Variants in PDE7B observed in about 807,000 individuals in gnomAD.
PDE7B encodes the protein phosphodiesterase 7B, also known as 3',5'-cyclic-AMP phosphodiesterase 7B.
A neutral mutation model predicts 56.2 loss-of-function variants in PDE7B; 29 were observed. The observed-to-expected ratio is 0.52, with a 90% CI of 0.38 to 0.70. The LOEUF (loss-of-function observed/expected upper bound fraction) is 0.70. Ranked by LOEUF, PDE7B falls within the 30% of genes least tolerant of loss-of-function variation. The pLI, the probability that PDE7B is intolerant of heterozygous loss-of-function variation, is 0.00. For missense variants in PDE7B, 490 were observed against 565.0 expected, an observed-to-expected ratio of 0.87 and a Z score of 1.35; for synonymous variants, 197 against 196.9, an observed-to-expected ratio of 1.00 and a Z score of 0.00.
intron 1 of PDE7B, among the ~76,000 whole-genome samples, chr6:135,932,479 C>A (rs1774311101): frequency 6.6e-6 from 1 of 151,980 alleles, no homozygotes; most frequent in South Asian, 2.1e-4. Flanking sequence ...AAAAAATCAC[C>A]ATTTCAGCTA....
intron 3 of PDE7B, among the ~76,000 whole-genome samples, chr6:136,134,790 C>T (rs1176818145): frequency 2.7e-5 from 4 of 148,722 alleles, no homozygotes; most frequent in Admixed American, 1.3e-4. Flanking sequence ...GCCAAAAATC[C>T]GTGTGTTGCA....
intron 2 of PDE7B, among the ~76,000 whole-genome samples, chr6:136,105,665 T>G (rs1200584391): frequency 6.6e-6 from 1 of 152,184 alleles, no homozygotes; most frequent in Non-Finnish European, 1.5e-5. Context: ...TTTATGCAAT[T>G]TAAATATTAG....
At chr6:136,175,381 G>A (rs778440998) in intron 9 of PDE7B, among the ~76,000 whole-genome samples, 12 of 151,982 alleles carry the variant, frequency 7.9e-5, no homozygotes, top group Non-Finnish European at 1.0e-4. Context: ...ATTCAGGAAA[G>A]TGTTAGTTTG....
chr6:135,991,228 C>T (rs1775474043), intron 2 of PDE7B, among the ~76,000 whole-genome samples: 1 of 152,120 alleles, frequency 6.6e-6, no homozygotes, highest in African/African-American at 2.4e-5. Context: ...CATCCTGTAA[C>T]TAAGAATGCC....
chr6:136,105,169 C>T (rs1365708310), intron 2 of PDE7B, among the ~76,000 whole-genome samples: 2 of 152,176 alleles, frequency 1.3e-5, no homozygotes, highest in African/African-American at 4.8e-5. Context: ...CAGCCCATTT[C>T]CACTGAAATG....
chr6:136,014,247 A>G (rs1775939029), intron 2 of PDE7B, among the ~76,000 whole-genome samples: 2 of 152,368 alleles, frequency 1.3e-5, no homozygotes, highest in African/African-American at 4.8e-5. Flanking sequence ...AAAATCACTC[A>G]CAATACCACT....
chr6:136,058,401 C>T (rs1462420345), intron 2 of PDE7B, among the ~76,000 whole-genome samples: 4 of 152,162 alleles, frequency 2.6e-5, no homozygotes, highest in African/African-American at 9.7e-5. Context: ...ATTCAGAATT[C>T]CCAGCATGCT....
chr6:136,072,123 T>C (rs866294208), intron 2 of PDE7B, among the ~76,000 whole-genome samples: 2 of 152,240 alleles, frequency 1.3e-5, no homozygotes, highest in Admixed American at 1.3e-4. Flanking sequence ...TTATTGAGCA[T>C]TTATTATGTA....
intron 1 of PDE7B, among the ~76,000 whole-genome samples, chr6:135,892,512 C>A (rs1324676504): frequency 6.6e-6 from 1 of 152,086 alleles, no homozygotes; most frequent in South Asian, 2.1e-4. Flanking sequence ...CCTATACTTT[C>A]TAGTGAAGCA....
intron 2 of PDE7B, among the ~76,000 whole-genome samples, chr6:136,005,161 C>G (rs1775756153): frequency 6.6e-6 from 1 of 152,076 alleles, no homozygotes. Flanking sequence ...ATGTAGAAAG[C>G]TGAAACTGGA....
intron 2 of PDE7B, among the ~76,000 whole-genome samples, chr6:135,994,715 C>G (rs894246499): frequency 1.6e-4 from 24 of 152,146 alleles, no homozygotes; most frequent in Non-Finnish European, 7.4e-5. Flanking sequence ...GGATCTAGCA[C>G]AGGTTTGGCA....
intron 1 of PDE7B, among the ~76,000 whole-genome samples, chr6:135,892,505 A>G (rs188794471): frequency 5.1e-4 from 77 of 152,320 alleles, no homozygotes; most frequent in African/African-American, 1.7e-3. Context: ...GATATTTCCT[A>G]TACTTTCTAG....
chr6:135,895,913 C>A (rs773123152), intron 1 of PDE7B, among the ~76,000 whole-genome samples: 1 of 152,146 alleles, frequency 6.6e-6, no homozygotes, highest in Non-Finnish European at 1.5e-5. Flanking sequence ...CCCTAGCTCA[C>A]CCTAGGCTCT....
intron 2 of PDE7B, among the ~76,000 whole-genome samples, chr6:136,012,275 G>A (rs969067777): frequency 1.1e-4 from 17 of 152,096 alleles, no homozygotes; most frequent in Non-Finnish European, 2.2e-4. Context: ...AGGTGTCTCT[G>A]CTGGTTTGCT....
At chr6:136,039,491 C>T (rs1280248870) in intron 2 of PDE7B, among the ~76,000 whole-genome samples, 1 of 152,094 alleles carries the variant, frequency 6.6e-6, no homozygotes, top group African/African-American at 2.4e-5. Context: ...ATTACCTCTC[C>T]CTTTCTCGTG....
chr6:136,126,797 C>T (rs936941053), intron 3 of PDE7B, among the ~76,000 whole-genome samples: 3 of 151,928 alleles, frequency 2.0e-5, no homozygotes, highest in African/African-American at 7.3e-5. Flanking sequence ...TCTGGGGACT[C>T]GGGGAAAGGA....
At chr6:135,883,739 C>T (rs1195690324) in intron 1 of PDE7B, among the ~76,000 whole-genome samples, 1 of 152,170 alleles carries the variant, frequency 6.6e-6, no homozygotes, top group Non-Finnish European at 1.5e-5. Context: ...CCTCATATTT[C>T]CAGGTCACTG....
chr6:135,947,836 G>A (rs1253223119), intron 2 of PDE7B, among the ~76,000 whole-genome samples: 3 of 152,024 alleles, frequency 2.0e-5, no homozygotes, highest in Admixed American at 1.3e-4. Flanking sequence ...GAACCATGTT[G>A]TAATTCCTAA....
chr6:136,075,598 G>A (rs949431670), intron 2 of PDE7B, among the ~76,000 whole-genome samples: 1 of 152,144 alleles, frequency 6.6e-6, no homozygotes, highest in Non-Finnish European at 1.5e-5. Flanking sequence ...ACTTAGTTCT[G>A]GGTGAAGTGT....
Sources: gnomAD v4.1 joint callset for allele counts (sites outside exome capture counted in the v4.1 genomes callset) on GRCh38, gnomAD v4.1.1 for gene constraint, MANE v1.5 for transcripts, NCBI Gene and HGNC (gene_info 2026-07-23, HGNC 2026-07-21) for gene names.